Variants in U2SURP observed in about 807,000 individuals in gnomAD.
U2SURP encodes U2 snRNP associated SURP domain containing, also known as U2 snRNP-associated SURP motif-containing protein.
In U2SURP, 9 loss-of-function variants were observed where a neutral mutation model predicts 144.9. The ratio of observed to expected loss-of-function variants is 0.06; its 90% confidence interval spans 0.04 to 0.11. U2SURP has a LOEUF of 0.11. Ranked by LOEUF, U2SURP falls within the 10% of genes least tolerant of loss-of-function variation. The probability of loss-of-function intolerance (pLI) is 1.00; values close to 1 mark genes in which losing one functional copy is unlikely to be tolerated. For missense variants in U2SURP, 724 were observed against 1,226.7 expected (o/e 0.59, Z 6.12); for synonymous variants, 408 against 396.8 (o/e 1.03, Z -0.33).
In U2SURP at chr3:143,027,088, AG is replaced by A. The variant is rs1933198416; in HGVS notation, c.1275-60del. 4 of 1,234,748 alleles carry A rather than the reference AG, an allele frequency of 3.2e-6. No individual in the cohort carries two copies. In the Admixed American group the frequency reaches 7.2e-5, roughly 22 times the overall value. The allele number at this position is 1,234,748 out of a possible 1,614,324, so 76.5% of individuals were successfully genotyped here. ...TGCACAATTATAGTAACTTAGGTCA[AG>A]TGTAGTTTTATATAGTGGTAGGTCT... On this transcript the variant is annotated intron_variant, in intron 13 of 27. Transcript: ENST00000473835.
intron 24 of U2SURP, among the ~76,000 whole-genome samples, chr3:143,045,030 C>A (rs1934348474): frequency 6.6e-6 from 1 of 152,084 alleles, no homozygotes; most frequent in South Asian, 2.1e-4. Flanking sequence ...ACCTGTGCAC[C>A]TTTTCAACCT....
At position 143,016,858 on chromosome 3, in the gene U2SURP, T is replaced by C; in HGVS notation, c.453T>C (p.Asp151=). 6.4e-7 allele frequency: 1 copy of C among 1,561,264 alleles called. No individual in the cohort carries two copies. Among genetic ancestry groups the C allele is most frequent in the Non-Finnish European group, 8.6e-7 (1 of 1,162,188 alleles). Reference sequence around the variant, plus strand: ...AAATTTCAGAAGAACATGAAACAGATGAAAAAAGAGGTAAAATCTATAAGC... The same window carrying C: ...AAATTTCAGAAGAACATGAAACAGACGAAAAAAGAGGTAAAATCTATAAGC... The part of the protein sequence containing the change: ...VNAAKEEHET[D]EKRGKIYKPS... Residue 151 remains aspartate, a synonymous_variant, in exon 6 of 28, where the codon GAT becomes GAC. Transcript: ENST00000473835.
At chr3:143,040,040 T>C (rs1430931471) in intron 23 of U2SURP, among the ~76,000 whole-genome samples, 1 of 151,952 alleles carries the variant, frequency 6.6e-6, no homozygotes, top group Non-Finnish European at 1.5e-5. Context: ...CTGAACCCTT[T>C]TTATGTTCGT....
rs1458747521 is a variant in U2SURP at position 143,057,204 on chromosome 3, A to G, written c.*754A>G. 2 of 152,276 alleles carry G rather than the reference A, an allele frequency of 1.3e-5. No homozygotes were observed. The highest frequency in any genetic ancestry group is 3.8e-4 in the East Asian group (2 of 5,198). The allele number at this position is 152,276 out of a possible 1,614,324, so 9.4% of individuals were successfully genotyped here. A position where few individuals can be genotyped will look rare whatever the true frequency, so the allele number is the denominator to read the frequency against. ...ATGTTCTGAGCAACTACTTACTTTT[A>G]GGGGGAAATTAAATATCTTTTCATT... On this transcript the variant is annotated 3_prime_UTR_variant, in exon 28 of 28. Coordinates refer to ENST00000473835, the MANE Select transcript of U2SURP (RefSeq NM_001080415.2).
chr3:143,026,495 T>C (rs1191421186), intron 13 of U2SURP: 13 of 152,132 alleles, frequency 8.5e-5, no homozygotes, highest in South Asian at 2.1e-4. Context: ...GGCAGAATTA[T>C]CTATTTCATG....
intron 13 of U2SURP, among the ~76,000 whole-genome samples, chr3:143,024,953 A>G (rs1382787897): frequency 2.6e-5 from 4 of 152,136 alleles, no homozygotes; most frequent in African/African-American, 4.8e-5. Context: ...AAATTAAATA[A>G]TGCACTTTAA....
At chr3:143,036,921 A>G (rs1050278553) in intron 20 of U2SURP, 17 of 445,698 alleles carry the variant, frequency 3.8e-5, no homozygotes, top group East Asian at 1.9e-4. Context: ...ACCAGGCTCT[A>G]TAACAGGGGG....
At chr3:143,045,736 T>C (rs2353411) in intron 24 of U2SURP, among the ~76,000 whole-genome samples, 102,732 of 152,200 alleles carry the variant, frequency 0.67, 34,890 homozygotes, top group African/African-American at 0.75. Context: ...CCTGCTTTCA[T>C]AGTGACTGCC....
rs551831049 is a variant in U2SURP, at chr3:143,009,848, A to C, written c.46-967A>C. Among the ~76,000 whole-genome samples the C allele has an allele frequency of 1.7e-4, 26 of 152,304 alleles. 1 individual carries two copies. In the South Asian group the frequency reaches 5.4e-3, roughly 32 times the overall value. ...AATCTTCAGTTTTTCTCTTAAACTAATATTTTATCTTGTACTTTATATGAC... is the reference window on the plus strand; with the variant it reads ...AATCTTCAGTTTTTCTCTTAAACTACTATTTTATCTTGTACTTTATATGAC... On this transcript the variant is annotated intron_variant, in intron 1 of 27. Coordinates refer to ENST00000473835, the MANE Select transcript of U2SURP (RefSeq NM_001080415.2).
rs1280641315 is a variant in U2SURP, at chr3:143,058,210, G to A, written c.*1760G>A. 1 of 152,114 alleles carries A rather than the reference G, an allele frequency of 6.6e-6. No homozygotes were observed. Among genetic ancestry groups the A allele is most frequent in the Non-Finnish European group, 1.5e-5 (1 of 67,804 alleles). The allele number at this position is 152,114 out of a possible 1,614,324, so 9.4% of individuals were successfully genotyped here. A position where few individuals can be genotyped will look rare whatever the true frequency, so the allele number is the denominator to read the frequency against. Reference sequence around the variant, plus strand: ...TCTTTGCAAAAATAACGGTCGTGTCGAGTTGGTGGTGATTTTGGCATTCCA... The same window carrying A: ...TCTTTGCAAAAATAACGGTCGTGTCAAGTTGGTGGTGATTTTGGCATTCCA... On this transcript the variant is annotated 3_prime_UTR_variant, in exon 28 of 28. Coordinates refer to ENST00000473835, the MANE Select transcript of U2SURP (RefSeq NM_001080415.2).
At chr3:143,009,528 G>A (rs1329568242) in intron 1 of U2SURP, among the ~76,000 whole-genome samples, 4 of 152,034 alleles carry the variant, frequency 2.6e-5, no homozygotes, top group African/African-American at 9.7e-5. Context: ...AACCCGGGAG[G>A]CGGAGGCTGC....
chr3:143,010,487 T>A (rs1050464424), intron 1 of U2SURP, among the ~76,000 whole-genome samples: 5 of 152,214 alleles, frequency 3.3e-5, no homozygotes, highest in Non-Finnish European at 7.3e-5. Flanking sequence ...GATGCATCTA[T>A]GATTAGGAAG....
intron 27 of U2SURP, 41 bp from the exon 28 acceptor site, chr3:143,056,271 G>T: frequency 6.4e-7 from 1 of 1,561,360 alleles, no homozygotes; most frequent in South Asian, 1.2e-5. Flanking sequence ...TTGATCACAT[G>T]AGTACTTTAT....
At chr3:143,021,200 C>A in intron 8 of U2SURP, 150 bp from the exon 9 acceptor site, 5 of 916,742 alleles carry the variant, frequency 5.5e-6, no homozygotes, top group South Asian at 3.4e-5. Flanking sequence ...CAAAAAACAA[C>A]AACAACAACA....
At chr3:143,037,102 G>A (rs1183469918) in intron 20 of U2SURP, 77 bp from the exon 21 acceptor site, 2 of 1,426,070 alleles carry the variant, frequency 1.4e-6, no homozygotes, top group African/African-American at 1.4e-5. Flanking sequence ...GGCTTGTACT[G>A]GATTACAAAT....
chr3:143,049,265 C>CAAAAAAAAAA (rs200930787), intron 24 of U2SURP, among the ~76,000 whole-genome samples: 2 of 81,520 alleles, frequency 2.5e-5, no homozygotes, highest in Non-Finnish European at 4.7e-5. Context: ...GACTCCATCT[C>CAAAAAAAAAA]AAAAAAAAAA....
At chr3:143,051,962 C>A (rs941790199) in intron 25 of U2SURP, among the ~76,000 whole-genome samples, 1 of 152,102 alleles carries the variant, frequency 6.6e-6, no homozygotes, top group African/African-American at 2.4e-5. Context: ...ATTAGGAGAT[C>A]ATTTTCATTT....
In U2SURP at chr3:143,038,980, A is replaced by G. The variant is rs767651513; in HGVS notation, c.2384+20A>G. 4 of 1,459,458 alleles carry G rather than the reference A, an allele frequency of 2.7e-6. No individual in the cohort carries two copies. Among genetic ancestry groups the G allele is most frequent in the Non-Finnish European group, 3.7e-6 (4 of 1,084,252 alleles). 90.4% of individuals were successfully genotyped at this position (1,459,458 alleles called of 1,614,324 possible). A position where few individuals can be genotyped will look rare whatever the true frequency, so the allele number is the denominator to read the frequency against. On this transcript the variant is annotated intron_variant, in intron 23 of 27. Coordinates refer to ENST00000473835, the MANE Select transcript of U2SURP (RefSeq NM_001080415.2). ...TCAAAAGTAAGAATCTAAGTTTTGA[A>G]TATACTGTTTCTTGTTCATATACAC...
At chr3:143,020,734 T>G in intron 8 of U2SURP, 41 bp downstream of exon 8, 1 of 1,468,190 alleles carries the variant, frequency 6.8e-7, no homozygotes, top group Non-Finnish European at 9.5e-7. Flanking sequence ...TGTGATTAAT[T>G]ACAGTAGTTC....
Sources: gnomAD v4.1 joint callset for allele counts (sites outside exome capture counted in the v4.1 genomes callset) on GRCh38, gnomAD v4.1.1 for gene constraint, MANE v1.5 for transcripts, NCBI Gene and HGNC (gene_info 2026-07-23, HGNC 2026-07-21) for gene names.